AFG1L: variants seen among roughly 807,000 people sequenced by gnomAD.
AFG1L encodes AFG1 like ATPase, also known as AFG1-like ATPase.
A neutral mutation model predicts 62.2 loss-of-function variants in AFG1L; 53 were observed. That is an observed-to-expected ratio of 0.85 (90% CI 0.68 to 1.07). The LOEUF (loss-of-function observed/expected upper bound fraction) is 1.07. Ranked by LOEUF, AFG1L falls within the 50% of genes least tolerant of loss-of-function variation. The pLI is 0.00. For missense variants in AFG1L, 555 were observed against 590.5 expected, an observed-to-expected ratio of 0.94 and a Z score of 0.62; for synonymous variants, 228 against 210.3, an observed-to-expected ratio of 1.08 and a Z score of -0.73.
At chr6:108,296,872 C>T (rs566045024) in intron 1 of AFG1L, among the ~76,000 whole-genome samples, 16 of 152,168 alleles carry the variant, frequency 1.1e-4, no homozygotes, top group African/African-American at 3.9e-4. Context: ...TCTTATTATT[C>T]CTCATTATCC....
At chr6:108,318,353 A>G (rs1323326348) in intron 1 of AFG1L, 1 of 396,766 alleles carries the variant, frequency 2.5e-6, no homozygotes, top group Non-Finnish European at 4.8e-6. Context: ...AAGAGATGCA[A>G]GCATTTTGAA....
intron 10 of AFG1L, among the ~76,000 whole-genome samples, chr6:108,485,649 TATATA>T (rs1562189836): frequency 2.5e-4 from 6 of 23,880 alleles, no homozygotes; most frequent in African/African-American, 1.0e-3. Flanking sequence ...TATATATATA[TATATA>T]TATTTTTTTT....
chr6:108,477,259 T>A lies in AFG1L; in HGVS notation c.1029T>A (p.Val343=), dbSNP rs1276996946. The A allele has an allele frequency of 1.9e-6, 3 of 1,609,558 alleles. No homozygotes were observed. Among genetic ancestry groups the A allele is most frequent in the African/African-American group, 2.7e-5 (2 of 74,804 alleles). The part of the protein sequence containing the change: ...ELRLNKACGT[V]ADCTFEELCE... ...GCCTGAATAAAGCCTGTGGAACCGTTGCCGACTGCACATTTGAAGAGCTGT... is the reference window on the plus strand; with the variant it reads ...GCCTGAATAAAGCCTGTGGAACCGTAGCCGACTGCACATTTGAAGAGCTGT... The change falls in exon 10 of 13, where the codon GTT becomes GTA. Residue 343 remains valine (V), a synonymous_variant. Transcript: ENST00000368977.
chr6:108,450,099 T>A (rs1771988669), intron 8 of AFG1L, among the ~76,000 whole-genome samples: 1 of 152,238 alleles, frequency 6.6e-6, no homozygotes, highest in Admixed American at 6.5e-5. Flanking sequence ...TGATTTATAA[T>A]CCTTTGGGTA....
At chr6:108,341,779 G>C (rs1562095329) in intron 2 of AFG1L, among the ~76,000 whole-genome samples, 1 of 152,000 alleles carries the variant, frequency 6.6e-6, no homozygotes. Context: ...CTCATCAAAA[G>C]CCCATTAGAG....
At chr6:108,425,108 G>C (rs919141520) in intron 7 of AFG1L, among the ~76,000 whole-genome samples, 2 of 152,092 alleles carry the variant, frequency 1.3e-5, no homozygotes, top group Non-Finnish European at 2.9e-5. Flanking sequence ...TACAGAGCAA[G>C]GCATATGTAG....
chr6:108,452,359 T>C (rs1772091373), intron 8 of AFG1L, among the ~76,000 whole-genome samples: 1 of 152,184 alleles, frequency 6.6e-6, no homozygotes. Context: ...ACTGGTTTCC[T>C]GGGGAGAGGA....
intron 7 of AFG1L, among the ~76,000 whole-genome samples, chr6:108,440,820 C>CAAAA (rs372126617): frequency 4.1e-5 from 6 of 147,612 alleles, no homozygotes; most frequent in African/African-American, 1.5e-4. Context: ...GACTCCATCT[C>CAAAA]AAAAAAAGAA....
chr6:108,378,134 A>G (rs1780331358), intron 6 of AFG1L, among the ~76,000 whole-genome samples: 1 of 150,792 alleles, frequency 6.6e-6, no homozygotes, highest in African/African-American at 2.4e-5. Flanking sequence ...AAAGCTTTCA[A>G]TTTTATTTTG....
At chr6:108,380,698 C>T (rs1780466038) in intron 6 of AFG1L, among the ~76,000 whole-genome samples, 1 of 152,234 alleles carries the variant, frequency 6.6e-6, no homozygotes, top group Non-Finnish European at 1.5e-5. Flanking sequence ...GTGTCCTGCT[C>T]TCAGTCTCAG....
chr6:108,443,759 C>T, intron 7 of AFG1L, among the ~76,000 whole-genome samples: 1 of 151,884 alleles, frequency 6.6e-6, no homozygotes, highest in African/African-American at 2.4e-5. Flanking sequence ...CCTGTAGTCC[C>T]ACCTACTTGG....
At chr6:108,446,051 T>TACACACACACAC (rs67384163) in intron 7 of AFG1L, among the ~76,000 whole-genome samples, 82 of 141,886 alleles carry the variant, frequency 5.8e-4, no homozygotes, top group African/African-American at 1.8e-3. Flanking sequence ...TATGTAGAGA[T>TACACACACACAC]ACACACACAC....
intron 3 of AFG1L, among the ~76,000 whole-genome samples, chr6:108,351,680 CAT>C (rs1779084625): frequency 6.6e-6 from 1 of 152,124 alleles, no homozygotes; most frequent in Admixed American, 6.6e-5. Context: ...TACAAATAAG[CAT>C]ATTAACTATA....
At chr6:108,305,225 G>A (rs1435698819) in intron 1 of AFG1L, among the ~76,000 whole-genome samples, 1 of 152,130 alleles carries the variant, frequency 6.6e-6, no homozygotes, top group Non-Finnish European at 1.5e-5. Flanking sequence ...ATGGCCAAGG[G>A]CCTAGTCTGA....
Position 108,498,466 on chromosome 6 carries a change from T to A in AFG1L, c.1063-11746T>A, listed in dbSNP as rs558335040. On this transcript the variant is annotated intron_variant, in intron 10 of 12. Transcript: ENST00000368977. ...AACCCAAACATTTTTAAATAATGAA[T>A]GCTTGGGAACAAAAGGGTGAGTGGC... Among the ~76,000 whole-genome samples the A allele has an allele frequency of 3.9e-5, 6 of 152,288 alleles. No homozygotes were observed. The South Asian group carries it at 1.2e-3, about 32-fold the overall frequency.
At chr6:108,316,175 A>G (rs1436432658) in intron 1 of AFG1L, among the ~76,000 whole-genome samples, 1 of 151,600 alleles carries the variant, frequency 6.6e-6, no homozygotes, top group African/African-American at 2.4e-5. Context: ...AGGTCAGGAG[A>G]TCGAGACCAT....
intron 10 of AFG1L, among the ~76,000 whole-genome samples, chr6:108,487,383 C>CA (rs1488866266): frequency 6.6e-6 from 1 of 152,032 alleles, no homozygotes; most frequent in African/African-American, 2.4e-5. Context: ...CTACCCCCAC[C>CA]AAAAAAAGAT....
chr6:108,503,514 T>C (rs1248092233), intron 10 of AFG1L, among the ~76,000 whole-genome samples: 1 of 152,198 alleles, frequency 6.6e-6, no homozygotes, highest in East Asian at 1.9e-4. Context: ...TAAAGGGGGC[T>C]TAAAATACGT....
chr6:108,429,540 C>T (rs1770976889), intron 7 of AFG1L, among the ~76,000 whole-genome samples: 1 of 152,166 alleles, frequency 6.6e-6, no homozygotes, highest in Non-Finnish European at 1.5e-5. Context: ...GGTGGGGACA[C>T]AGCCAAACCA....
Sources: allele counts gnomAD v4.1 joint callset (sites outside exome capture counted in the v4.1 genomes callset), GRCh38; gene constraint gnomAD v4.1.1; transcripts MANE v1.5; gene names NCBI Gene and HGNC (gene_info 2026-07-23, HGNC 2026-07-21).